SCMH1: variants seen among roughly 807,000 people sequenced by gnomAD.
SCMH1 encodes Scm polycomb group protein homolog 1, also known as polycomb protein SCMH1.
In SCMH1, 37 loss-of-function variants were observed where a neutral mutation model predicts 70.8. That is an observed-to-expected ratio of 0.52 (90% CI 0.40 to 0.69). SCMH1 has a LOEUF of 0.69. Among genes scored for constraint, SCMH1 ranks in the 30% least tolerant of loss-of-function variants. The pLI is 0.00. For synonymous variants in SCMH1, 292 were observed against 307.4 expected (o/e 0.95, Z 0.52); for missense variants, 607 against 827.3 (o/e 0.73, Z 3.27).
intron 7 of SCMH1, among the ~76,000 whole-genome samples, chr1:41,114,111 C>T (rs1669877538): frequency 6.6e-6 from 1 of 152,030 alleles, no homozygotes; most frequent in Non-Finnish European, 1.5e-5. Flanking sequence ...GAGTTTTAAC[C>T]ACCATCCTTG....
chr1:41,119,015 G>C (rs1449113568), intron 6 of SCMH1, among the ~76,000 whole-genome samples: 7 of 152,198 alleles, frequency 4.6e-5, no homozygotes, highest in Admixed American at 2.0e-4. Context: ...TCATTTTATA[G>C]ATGAGGAAAC....
intron 8 of SCMH1, among the ~76,000 whole-genome samples, chr1:41,089,413 C>G (rs1662671303): frequency 1.3e-5 from 2 of 152,172 alleles, no homozygotes; most frequent in Non-Finnish European, 2.9e-5. Context: ...ATATTCCTGT[C>G]CTATTAGCAG....
chr1:41,127,191 A>G (rs1673408343), intron 6 of SCMH1, among the ~76,000 whole-genome samples: 1 of 152,080 alleles, frequency 6.6e-6, no homozygotes, highest in Non-Finnish European at 1.5e-5. Flanking sequence ...TCATTTTTCT[A>G]TAGGTTTTAG....
At chr1:41,129,683 C>T (rs1439954995) in intron 6 of SCMH1, among the ~76,000 whole-genome samples, 1 of 152,166 alleles carries the variant, frequency 6.6e-6, no homozygotes, top group South Asian at 2.1e-4. Flanking sequence ...GCTATTGTGA[C>T]TAATGCTGCT....
chr1:41,048,997 G>T, intron 10 of SCMH1, 107 bp from the exon 11 acceptor site: 1 of 1,020,918 alleles, frequency 9.8e-7, no homozygotes, highest in Non-Finnish European at 1.4e-6. Flanking sequence ...GTTCCTAACA[G>T]AATTCCTAGC....
chr1:41,084,077 A>C (rs2148967007), intron 8 of SCMH1, among the ~76,000 whole-genome samples: 1 of 152,334 alleles, frequency 6.6e-6, no homozygotes, highest in South Asian at 2.1e-4. Flanking sequence ...CAAGGACTTC[A>C]TGTCTAAAAC....
At chr1:41,137,291 C>A (rs909612567) in intron 6 of SCMH1, among the ~76,000 whole-genome samples, 2 of 152,254 alleles carry the variant, frequency 1.3e-5, no homozygotes, top group East Asian at 3.9e-4. Context: ...AATTATATCT[C>A]AAAATTCTGA....
chr1:41,149,857 T>C (rs1644906098), intron 5 of SCMH1, among the ~76,000 whole-genome samples: 1 of 152,180 alleles, frequency 6.6e-6, no homozygotes, highest in Non-Finnish European at 1.5e-5. Context: ...TTGAATCCTT[T>C]CAGATAGTTT....
intron 6 of SCMH1, among the ~76,000 whole-genome samples, chr1:41,142,136 T>A (rs905037413): frequency 1.3e-5 from 2 of 152,226 alleles, no homozygotes; most frequent in African/African-American, 2.4e-5. Flanking sequence ...ACAAATTTTT[T>A]TTTAATGGGG....
intron 13 of SCMH1, among the ~76,000 whole-genome samples, chr1:41,035,027 T>G (rs1645095764): frequency 6.6e-6 from 1 of 152,222 alleles, no homozygotes; most frequent in Admixed American, 6.5e-5. Flanking sequence ...GTCTGATTCT[T>G]GCAATCCCTT....
chr1:41,133,320 C>T (rs1225835224), intron 6 of SCMH1, among the ~76,000 whole-genome samples: 1 of 152,012 alleles, frequency 6.6e-6, no homozygotes, highest in Non-Finnish European at 1.5e-5. Flanking sequence ...TGGGAGTTCA[C>T]TCAAGAGAAA....
chr1:41,090,070 G>A (rs1260771022), intron 8 of SCMH1, among the ~76,000 whole-genome samples: 3 of 151,988 alleles, frequency 2.0e-5, no homozygotes, highest in African/African-American at 2.4e-5. Context: ...GGGATTACAG[G>A]TGTGAGCCAC....
chr1:41,117,187 TATGA>T (rs1396835697), intron 6 of SCMH1, among the ~76,000 whole-genome samples, 177 bp from the exon 7 acceptor site: 3 of 152,172 alleles, frequency 2.0e-5, no homozygotes, highest in Admixed American at 1.3e-4. Context: ...TATGATTATA[TATGA>T]ATATCATTCA....
intron 4 of SCMH1, among the ~76,000 whole-genome samples, chr1:41,154,628 A>G (rs753491935): frequency 1.1e-4 from 17 of 152,216 alleles, no homozygotes; most frequent in Non-Finnish European, 2.5e-4. Flanking sequence ...ATCTGTTATG[A>G]TAATGATAAA....
intron 2 of SCMH1, among the ~76,000 whole-genome samples, chr1:41,182,053 C>A: frequency 6.6e-6 from 1 of 152,122 alleles, no homozygotes; most frequent in Non-Finnish European, 1.5e-5. Context: ...TTTGTAGGGA[C>A]ATGGATGAAG....
intron 6 of SCMH1, among the ~76,000 whole-genome samples, chr1:41,136,624 G>A (rs540218004): frequency 6.6e-6 from 1 of 151,668 alleles, no homozygotes; most frequent in Non-Finnish European, 1.5e-5. Flanking sequence ...TGCCCACCTC[G>A]GCCTCCGAAA....
At position 41,113,570 on chromosome 1, in the gene SCMH1, G is replaced by C; in HGVS notation, c.502-44C>G. On this transcript the variant is annotated intron_variant, in intron 7 of 14. Coordinates refer to ENST00000337495, the Ensembl canonical transcript of SCMH1. The surrounding 1 kb of genome is among the most constrained non-coding windows in gnomAD (Gnocchi z 4.3). ...CATACACACCTAGACACAAAGAGAG[G>C]CCATTATGCCAATAGACTACTATCT... 1 of 1,564,818 alleles carries C rather than the reference G, an allele frequency of 6.4e-7. No individual in the cohort carries two copies. The highest frequency in any genetic ancestry group is 8.6e-7 in the Non-Finnish European group (1 of 1,158,062).
At chr1:41,061,216 T>C (rs573103311) in intron 10 of SCMH1, among the ~76,000 whole-genome samples, 2 of 152,182 alleles carry the variant, frequency 1.3e-5, no homozygotes, top group African/African-American at 4.8e-5. Context: ...GTAAAGCTAA[T>C]GAAAGATCAC....
At chr1:41,063,344 A>G (rs927997953) in intron 10 of SCMH1, among the ~76,000 whole-genome samples, 3 of 151,738 alleles carry the variant, frequency 2.0e-5, no homozygotes, top group East Asian at 1.9e-4. Context: ...GTGGTGGTGC[A>G]TGTCTGTAGT....
Sources: allele counts gnomAD v4.1 joint callset (sites outside exome capture counted in the v4.1 genomes callset), GRCh38; gene constraint gnomAD v4.1.1; non-coding constraint Gnocchi (gnomAD v3.1); transcripts MANE v1.5; gene names NCBI Gene and HGNC (gene_info 2026-07-23, HGNC 2026-07-21).